SART1: variants seen among roughly 807,000 people sequenced by gnomAD.
The protein encoded by SART1 is spliceosome associated factor 1, recruiter of U4/U6.U5 tri-snRNP, also known as U4/U6.U5 tri-snRNP-associated protein 1.
Under a neutral mutation model 105.0 loss-of-function variants are expected in SART1, and 28 were observed. The ratio of observed to expected loss-of-function variants is 0.27; its 90% CI spans 0.20 to 0.37. SART1 has a LOEUF of 0.37. Ranked by LOEUF, SART1 falls within the 10% of genes least tolerant of loss-of-function variation. SART1 has a pLI of 1.00. For synonymous variants in SART1, 472 were observed against 462.9 expected (o/e 1.02, Z -0.25); for missense variants, 894 against 1,106.5 (o/e 0.81, Z 2.72).
Position 65,967,488 on chromosome 11 carries a change from G to A in SART1, c.1331G>A (p.Arg444His), listed in dbSNP as rs779285461. 1.6e-5 allele frequency: 26 copies of A among 1,612,936 alleles called. No homozygotes were observed. Among genetic ancestry groups the A allele is most frequent in the East Asian group, 8.9e-5 (4 of 44,870 alleles). Residue 444 changes from arginine to histidine, a missense_variant, in exon 11 of 20, where the codon CGC becomes CAC. Arg to His is a conservative substitution (Grantham distance 29, BLOSUM62 0). Coordinates refer to ENST00000312397, the MANE Select transcript of SART1 (RefSeq NM_005146.5). ...TCCCTCAGACTGCGGGGACGGGGTC[G>A]CCGCCGAGTGTCCGAAGTGGAGGAG... ...DFGSRLRGRGRRRVSEVEEEK... is the reference protein window; with the variant it reads ...DFGSRLRGRGHRRVSEVEEEK...
At chr11:65,977,444 A>T in intron 15 of SART1, 119 bp from the exon 16 acceptor site, 1 of 827,896 alleles carries the variant, frequency 1.2e-6, no homozygotes, top group East Asian at 2.6e-5. Context: ...AACAGGCCTG[A>T]TGGCTTTCCA....
chr11:65,979,347 G>T lies in SART1; in HGVS notation c.*317G>T, dbSNP rs72928854. On this transcript the variant is annotated 3_prime_UTR_variant, in exon 20 of 20. Coordinates refer to ENST00000312397, the MANE Select transcript of SART1 (RefSeq NM_005146.5). ...CATCACCCTGCTCTCTCCTGGCCTC[G>T]GGGGCTGCACAGGTCACTGTCCTGT... The T allele has an allele frequency of 1.0e-5, 5 of 488,558 alleles. No individual in the cohort carries two copies. The Admixed American group carries it at 1.3e-4, about 13-fold the overall frequency. The allele number at this position is 488,558 out of a possible 1,614,324, so 30.3% of individuals were successfully genotyped here. A position where few individuals can be genotyped will look rare whatever the true frequency, so the allele number is the denominator to read the frequency against.
chr11:65,975,772 G>A (rs1027111870), intron 12 of SART1, among the ~76,000 whole-genome samples: 1 of 152,132 alleles, frequency 6.6e-6, no homozygotes, highest in Non-Finnish European at 1.5e-5. Context: ...GGGCTGCAGG[G>A]TTGAGGGAGA....
chr11:65,962,211 A>G (rs569552969), intron 1 of SART1, 118 bp downstream of exon 1: 2 of 755,048 alleles, frequency 2.6e-6, no homozygotes, highest in African/African-American at 3.8e-5. Context: ...CAAGCTGTTT[A>G]CCAGCTCTAT....
In SART1 at chr11:65,976,912, T is replaced by C; in HGVS notation, c.1858-102T>C. The stretch of plus-strand genomic sequence containing the variant: ...GCGATCTGAGGAGTAAATGAGGAAA[T>C]TAAATGTTGTGGAGGGCTGGTGCCT... On this transcript the variant is annotated intron_variant, in intron 14 of 19. Coordinates refer to ENST00000312397, the MANE Select transcript of SART1 (RefSeq NM_005146.5). This position sits in a 1 kb window ranked among gnomAD's most constrained non-coding sequence, Gnocchi z 5.1. 2.5e-6 allele frequency: 3 copies of C among 1,179,764 alleles called. No individual in the cohort carries two copies. Among genetic ancestry groups the C allele is most frequent in the Non-Finnish European group, 3.7e-6 (3 of 802,940 alleles). 73.1% of individuals were successfully genotyped at this position (1,179,764 alleles called of 1,614,324 possible). A position where few individuals can be genotyped will look rare whatever the true frequency, so the allele number is the denominator to read the frequency against.
At chr11:65,962,183 T>C in intron 1 of SART1, 90 bp downstream of exon 1, 1 of 1,009,890 alleles carries the variant, frequency 9.9e-7, no homozygotes, top group Non-Finnish European at 1.4e-6. Context: ...AGCGAAGCTC[T>C]TCAGGCCAGG....
At chr11:65,972,281 G>T (rs1442187776) in intron 12 of SART1, among the ~76,000 whole-genome samples, 1 of 152,148 alleles carries the variant, frequency 6.6e-6, no homozygotes, top group Admixed American at 6.5e-5. Flanking sequence ...AGACCAGACA[G>T]CGGGGCCCCG....
At chr11:65,973,017 C>T (rs1565316427) in intron 12 of SART1, among the ~76,000 whole-genome samples, 1 of 151,806 alleles carries the variant, frequency 6.6e-6, no homozygotes, top group East Asian at 1.9e-4. Flanking sequence ...AAAAAAAATA[C>T]AAAAAAATTA....
intron 3 of SART1, 185 bp from the exon 4 acceptor site, chr11:65,964,907 C>T (rs1855216171): frequency 4.2e-6 from 3 of 721,078 alleles, no homozygotes; most frequent in African/African-American, 3.6e-5. Context: ...CACAGAGGGT[C>T]CTGTTGTGCT....
At position 65,966,522 on chromosome 11, in the gene SART1, G is replaced by A. The variant is rs747755266; in HGVS notation, c.1154G>A (p.Arg385Gln). 12 of 1,569,592 alleles carry A rather than the reference G, an allele frequency of 7.6e-6. No individual in the cohort carries two copies. The East Asian group carries it at 9.0e-5, about 12-fold the overall frequency. ...CAGTCCCTGAGCACAGTGGGGCCCC[G>A]GCTGGCCTCCGAATACCTCACGCCT... ...QAQSLSTVGP[R>Q]LASEYLTPEE... Residue 385 changes from arginine (R) to glutamine (Q), a missense_variant, in exon 9 of 20, where the codon CGG (arginine) becomes CAG (glutamine). Arg to Gln is a conservative substitution (Grantham distance 43). Transcript: ENST00000312397.
rs113764989 is a variant in SART1, at chr11:65,975,763, G to A, written c.1573-632G>A. On this transcript the variant is annotated intron_variant, in intron 12 of 19. Transcript: ENST00000312397. ...TGAGGAGTGAGGACTTTGCTGTCTG[G>A]GCTGCAGGGTTGAGGGAGAAGTTTT... is the stretch of plus-strand genomic sequence containing the variant. Among the ~76,000 whole-genome samples, 80 of 152,206 alleles carry A rather than the reference G, an allele frequency of 5.3e-4. 2 individuals carry two copies. Among genetic ancestry groups the A allele is most frequent in the African/African-American group, 1.8e-3 (73 of 41,538 alleles).
At chr11:65,966,024 T>C (rs766591106) in intron 7 of SART1, 38 bp downstream of exon 7, 1 of 1,613,838 alleles carries the variant, frequency 6.2e-7, no homozygotes, top group Middle Eastern at 1.6e-4. Context: ...GGGCACAGCC[T>C]CTGCTGAGTT....
chr11:65,962,103 C>T lies in SART1; in HGVS notation c.313+10C>T, dbSNP rs1173987521. On this transcript the variant is annotated intron_variant, in intron 1 of 19. Coordinates refer to ENST00000312397, the MANE Select transcript of SART1 (RefSeq NM_005146.5). The stretch of plus-strand genomic sequence containing the variant: ...GACGGCTACGAGGCCGGTGAGGAGG[C>T]GGGGCCTGCGCAGGGGGCGGGTCGG... 2.2e-4 allele frequency: 23 copies of T among 102,272 alleles called. No individual in the cohort carries two copies. The highest frequency in any genetic ancestry group is 2.9e-4 in the Non-Finnish European group (22 of 76,144). The allele number at this position is 102,272 out of a possible 1,614,324, so 6.3% of individuals were successfully genotyped here. A position where few individuals can be genotyped will look rare whatever the true frequency, so the allele number is the denominator to read the frequency against.
In SART1 at chr11:65,978,095, G is replaced by A. The variant is rs1855521146; in HGVS notation, c.2172+196G>A. On this transcript the variant is annotated intron_variant, in intron 17 of 19. Coordinates refer to ENST00000312397, the MANE Select transcript of SART1 (RefSeq NM_005146.5). The surrounding 1 kb of genome is among the most constrained non-coding windows in gnomAD (Gnocchi z 6.8). Reference sequence around the variant, plus strand: ...GCTGTGCCTCAGTTTGTCTCTAGTGGGCACAGCAGTCTCTTTGCAAGCCTG... The same window carrying A: ...GCTGTGCCTCAGTTTGTCTCTAGTGAGCACAGCAGTCTCTTTGCAAGCCTG... The A allele has an allele frequency of 1.6e-6, 1 of 617,896 alleles. No homozygotes were observed. The highest frequency in any genetic ancestry group is 2.8e-6 in the Non-Finnish European group (1 of 354,450). The allele number at this position is 617,896 out of a possible 1,614,324, so 38.3% of individuals were successfully genotyped here.
At position 65,978,276 on chromosome 11, in the gene SART1, G is replaced by T; in HGVS notation, c.2173-324G>T. ...GACCGTCCTGCCCTACCACTCAGCT[G>T]CCCCCTTGCTCTCTGGGGTTTGTCT... On this transcript the variant is annotated intron_variant, in intron 17 of 19. Transcript: ENST00000312397. This position sits in a 1 kb window ranked among gnomAD's most constrained non-coding sequence, Gnocchi z 6.8. 2.0e-6 allele frequency: 1 copy of T among 495,974 alleles called. No individual in the cohort carries two copies. Among genetic ancestry groups the T allele is most frequent in the Non-Finnish European group, 3.7e-6 (1 of 273,088 alleles). The allele number at this position is 495,974 out of a possible 1,614,324, so 30.7% of individuals were successfully genotyped here. A position where few individuals can be genotyped will look rare whatever the true frequency, so the allele number is the denominator to read the frequency against.
rs780040110 is a variant in SART1 at position 65,966,508 on chromosome 11, C to T, written c.1140C>T (p.Ser380=). The T allele has an allele frequency of 5.2e-5, 83 of 1,589,724 alleles. No homozygotes were observed. The highest frequency in any genetic ancestry group is 8.1e-5 in the African/African-American group (6 of 74,430). Residue 380 remains serine, a synonymous_variant, in exon 9 of 20, where the codon AGC becomes AGT. Transcript: ENST00000312397. ...AKLRLQAQSL[S]TVGPRLASEY... ...TGCGGCTGCAGGCTCAGTCCCTGAG[C>T]ACAGTGGGGCCCCGGCTGGCCTCCG...
rs200286107 is a variant in SART1, at chr11:65,967,380, C to T, written c.1310C>T (p.Ser437Phe). The T allele has an allele frequency of 4.7e-5, 76 of 1,613,910 alleles. No individual in the cohort carries two copies. The highest frequency in any genetic ancestry group is 5.0e-5 in the Non-Finnish European group (59 of 1,179,966). The change falls in exon 10 of 20, where the codon TCC (serine) becomes TTC (phenylalanine). Residue 437 changes from serine (S) to phenylalanine (F), a missense_variant. Ser to Phe is a radical substitution (Grantham distance 155). Around this residue, in one of 2 missense-constraint regions of SART1, gnomAD observed 712 missense variants for 778.2 expected, o/e 0.91. Coordinates refer to ENST00000312397, the MANE Select transcript of SART1 (RefSeq NM_005146.5). ...GDQTQDGDFG[S>F]RLRGRGRRRV... ...CAGACTCAGGATGGGGACTTTGGTT[C>T]CAGGTGGGCTTGGACACGGTGGTGG...
chr11:65,977,670 C>T lies in SART1; in HGVS notation c.2036+17C>T. 1 of 1,613,716 alleles carries T rather than the reference C, an allele frequency of 6.2e-7. No homozygotes were observed. The highest frequency in any genetic ancestry group is 8.5e-7 in the Non-Finnish European group (1 of 1,179,736). On this transcript the variant is annotated intron_variant, in intron 16 of 19. Transcript: ENST00000312397. ...GGATAAGATGTGAGTGTGGTGGGGCCTGTGCAGGGCTGAGGGGCCTGTGCC... is the reference window on the plus strand; with the variant it reads ...GGATAAGATGTGAGTGTGGTGGGGCTTGTGCAGGGCTGAGGGGCCTGTGCC...
At chr11:65,968,878 CTG>C (rs1419658364) in intron 12 of SART1, among the ~76,000 whole-genome samples, 1 of 152,180 alleles carries the variant, frequency 6.6e-6, no homozygotes, top group Non-Finnish European at 1.5e-5. Context: ...CTCACATGTT[CTG>C]TGTTTGTTGA....
Sources: gnomAD v4.1 joint callset for allele counts (sites outside exome capture counted in the v4.1 genomes callset) on GRCh38, gnomAD v4.1.1 for gene constraint, gnomAD v4.1.1 regional missense constraint, Gnocchi (gnomAD v3.1) non-coding constraint, MANE v1.5 for transcripts, NCBI Gene and HGNC (gene_info 2026-07-23, HGNC 2026-07-21) for gene names.